EYS: variants seen among roughly 807,000 people sequenced by gnomAD.
EYS encodes EGF-like photoreceptor maintenance factor.
EYS carries 250 observed loss-of-function variants against 282.1 expected under a neutral mutation model. That is an observed-to-expected ratio of 0.89 (90% confidence interval 0.80 to 0.98). The LOEUF (loss-of-function observed/expected upper bound fraction) is 0.98, where lower values mean the gene tolerates loss of function less well. Ranked by LOEUF, EYS falls within the 50% of genes least tolerant of loss-of-function variation. The pLI, the probability that EYS is intolerant of heterozygous loss-of-function variation, is 0.00. For synonymous variants in EYS, 1,355 were observed against 1,282.9 expected (o/e 1.06, Z -1.20); for missense variants, 4,016 against 3,709.0 (o/e 1.08, Z -2.15).
At chr6:65,170,544 T>C (rs1258298802) in intron 12 of EYS, among the ~76,000 whole-genome samples, 3 of 151,672 alleles carry the variant, frequency 2.0e-5, no homozygotes, top group East Asian at 3.9e-4. Context: ...GCCAGTTTTC[T>C]GCCAACTTAA....
chr6:65,140,182 T>G (rs995946926), intron 12 of EYS, among the ~76,000 whole-genome samples: 1 of 151,950 alleles, frequency 6.6e-6, no homozygotes, highest in South Asian at 2.1e-4. Flanking sequence ...CAAAGAAATA[T>G]AAGATATTAA....
chr6:65,557,990 T>G (rs552957920), intron 2 of EYS, among the ~76,000 whole-genome samples: 1 of 152,070 alleles, frequency 6.6e-6, no homozygotes, highest in South Asian at 2.1e-4. Flanking sequence ...TGGGTGGCCA[T>G]GGGAGGACCT....
chr6:63,735,883 A>G (rs1277344902), intron 41 of EYS, among the ~76,000 whole-genome samples: 1 of 152,136 alleles, frequency 6.6e-6, no homozygotes, highest in East Asian at 1.9e-4. Context: ...CATCCTGTAG[A>G]ATGACCCTCA....
intron 11 of EYS, among the ~76,000 whole-genome samples, chr6:65,301,536 C>T (rs907140605): frequency 2.6e-5 from 4 of 152,148 alleles, no homozygotes; most frequent in African/African-American, 9.7e-5. Context: ...AGCGGCCAAG[C>T]GAGAAGAAAG....
At chr6:64,142,272 A>C (rs532405770) in intron 31 of EYS, among the ~76,000 whole-genome samples, 13 of 152,146 alleles carry the variant, frequency 8.5e-5, no homozygotes, top group African/African-American at 2.7e-4. Flanking sequence ...AGTCTGGTAT[A>C]TATGGAAACA....
chr6:63,751,683 A>G (rs1324864733), intron 41 of EYS, among the ~76,000 whole-genome samples: 2 of 152,176 alleles, frequency 1.3e-5, no homozygotes. Flanking sequence ...TGCTGAAGGA[A>G]TGGATTATTG....
At chr6:65,024,451 T>C (rs1054885509) in intron 13 of EYS, among the ~76,000 whole-genome samples, 1 of 152,214 alleles carries the variant, frequency 6.6e-6, no homozygotes, top group Non-Finnish European at 1.5e-5. Context: ...GCCAGGCTTC[T>C]GTCCAGGCCC....
At chr6:65,240,744 T>C (rs901644599) in intron 12 of EYS, among the ~76,000 whole-genome samples, 1 of 152,222 alleles carries the variant, frequency 6.6e-6, no homozygotes, top group Non-Finnish European at 1.5e-5. Flanking sequence ...GCAATGAACA[T>C]ACAATTGCAT....
At chr6:64,631,587 G>C (rs951102187) in intron 22 of EYS, 4 of 151,888 alleles carry the variant, frequency 2.6e-5, no homozygotes, top group Non-Finnish European at 5.9e-5. Context: ...GTTTCTGTTC[G>C]TTAACGATAA....
chr6:64,610,917 TA>T (rs1397807467), intron 24 of EYS, among the ~76,000 whole-genome samples: 1 of 152,178 alleles, frequency 6.6e-6, no homozygotes, highest in Non-Finnish European at 1.5e-5. Context: ...TATCTTGCAT[TA>T]CAAAATACTG....
chr6:65,442,251 C>A (rs1177938694), intron 5 of EYS, among the ~76,000 whole-genome samples: 1 of 151,902 alleles, frequency 6.6e-6, no homozygotes, highest in African/African-American at 2.4e-5. Flanking sequence ...ATCTAAATAT[C>A]TATATCTTAT....
intron 22 of EYS, among the ~76,000 whole-genome samples, chr6:64,719,652 G>A (rs1223105380): frequency 6.6e-6 from 1 of 152,036 alleles, no homozygotes; most frequent in East Asian, 1.9e-4. Context: ...TTAAATATTT[G>A]TATATACTTC....
chr6:64,958,578 A>G (rs1374911028), intron 14 of EYS, among the ~76,000 whole-genome samples: 1 of 151,600 alleles, frequency 6.6e-6, no homozygotes, highest in Non-Finnish European at 1.5e-5. Flanking sequence ...TACTAAAAAT[A>G]CAAAAAATTA....
At chr6:65,031,048 G>A (rs1040184927) in intron 13 of EYS, among the ~76,000 whole-genome samples, 1 of 150,762 alleles carries the variant, frequency 6.6e-6, no homozygotes, top group African/African-American at 2.4e-5. Context: ...ATAAAAGAAG[G>A]GCATTACACA....
chr6:65,447,308 G>C (rs1324787518), intron 5 of EYS, among the ~76,000 whole-genome samples: 5 of 124,176 alleles, frequency 4.0e-5, no homozygotes, highest in South Asian at 2.6e-4. Flanking sequence ...TTCTCTCTCT[G>C]TGTGTGTGTA....
At position 63,778,095 on chromosome 6, in the gene EYS, T is replaced by G. The variant is rs1200066004; in HGVS notation, c.7809A>C (p.Gly2603=). The G allele has an allele frequency of 6.4e-7, 1 of 1,551,750 alleles. No homozygotes were observed. The highest frequency in any genetic ancestry group is 2.0e-5 in the Admixed American group (1 of 51,002). ...LGNPEGHPNA[G]RSVGQCHASP... Reference sequence around the variant, plus strand: ...AAGCATGACACTGGCCAACACTGCGTCCAGCATTTGGGTGGCCCTCAGGAT... The same window carrying G: ...AAGCATGACACTGGCCAACACTGCGGCCAGCATTTGGGTGGCCCTCAGGAT... The change falls in exon 40 of 43, where the codon GGA becomes GGC. Residue 2603 remains glycine (G), a synonymous_variant. Coordinates refer to ENST00000503581, the MANE Select transcript of EYS (RefSeq NM_001142800.2).
chr6:65,291,001 G>A (rs1185775020), intron 12 of EYS, among the ~76,000 whole-genome samples: 1 of 151,194 alleles, frequency 6.6e-6, no homozygotes, highest in African/African-American at 2.4e-5. Flanking sequence ...TGATCAAATG[G>A]TATTAAACAA....
At chr6:64,471,852 T>C (rs1776131098) in intron 26 of EYS, among the ~76,000 whole-genome samples, 1 of 152,150 alleles carries the variant, frequency 6.6e-6, no homozygotes, top group Admixed American at 6.5e-5. Context: ...TTGGCTAATA[T>C]GTACAAACAT....
intron 26 of EYS, among the ~76,000 whole-genome samples, chr6:64,513,771 A>T (rs2349593): frequency 0.35 from 53,456 of 151,552 alleles, 9,482 homozygotes; most frequent in East Asian, 0.47. Flanking sequence ...GTGTGCCTGG[A>T]CTGGAGGAAA....
Sources: gnomAD v4.1 joint callset for allele counts (sites outside exome capture counted in the v4.1 genomes callset) on GRCh38, gnomAD v4.1.1 for gene constraint, MANE v1.5 for transcripts, NCBI Gene and HGNC (gene_info 2026-07-23, HGNC 2026-07-21) for gene names.